ALDH1A2: variants seen among roughly 807,000 people sequenced by gnomAD.
ALDH1A2 encodes the protein retinal dehydrogenase 2.
ALDH1A2 carries 27 observed loss-of-function variants against 60.3 expected under a neutral mutation model. The ratio of observed to expected loss-of-function variants is 0.45; its 90% CI spans 0.33 to 0.62. ALDH1A2 has a LOEUF of 0.62. Ranked by LOEUF, ALDH1A2 falls within the 20% of genes least tolerant of loss-of-function variation. The pLI, the probability that ALDH1A2 is intolerant of heterozygous loss-of-function variation, is 0.02. For missense variants in ALDH1A2, 581 were observed against 643.8 expected (o/e 0.90, Z 1.06); for synonymous variants, 289 against 232.4 (o/e 1.24, Z -2.21).
chr15:57,984,753 G>A (rs989560749), intron 7 of ALDH1A2, among the ~76,000 whole-genome samples: 1 of 152,062 alleles, frequency 6.6e-6, no homozygotes, highest in African/African-American at 2.4e-5. Flanking sequence ...TTGTTAATCC[G>A]CTTATCATTT....
Position 58,002,898 on chromosome 15 carries a change from G to A in ALDH1A2, c.493+7751C>T, listed in dbSNP as rs191701110. 1.0e-3 allele frequency among the ~76,000 whole-genome samples: 159 copies of A among 151,836 alleles called. No homozygotes were observed. In the South Asian group the frequency reaches 0.011, roughly 10 times the overall value. ...TGTAGCAGATTCCCATCATGTTGAC[G>A]TTGAACAGACCTCACCCAACATTTT... On this transcript the variant is annotated intron_variant, in intron 4 of 12. Transcript: ENST00000249750.
chr15:57,973,298 G>A (rs1894132515), intron 7 of ALDH1A2, among the ~76,000 whole-genome samples: 1 of 152,196 alleles, frequency 6.6e-6, no homozygotes, highest in African/African-American at 2.4e-5. Context: ...TGCATAAGGA[G>A]AAATTAATCC....
chr15:57,957,524 G>C (rs1459494649), intron 12 of ALDH1A2, among the ~76,000 whole-genome samples: 1 of 152,154 alleles, frequency 6.6e-6, no homozygotes. Flanking sequence ...GCTAAATTTT[G>C]TGGCACATAC....
chr15:58,031,579 C>G (rs779123917), intron 1 of ALDH1A2, among the ~76,000 whole-genome samples: 1 of 152,098 alleles, frequency 6.6e-6, no homozygotes, highest in Non-Finnish European at 1.5e-5. Flanking sequence ...GAACAGGCAA[C>G]CTACAGAATG....
chr15:58,014,242 T>C lies in ALDH1A2; in HGVS notation c.157A>G (p.Arg53Gly), dbSNP rs535828709. ...NNEWQNSESG[R>G]VFPVYNPATG... is the part of the protein sequence containing the mutation. Reference sequence around the variant, plus strand: ...GCTGGATTATAGACAGGGAACACTCTCCCACTCTCTGAGTTCTGCCACTCG... The same window carrying C: ...GCTGGATTATAGACAGGGAACACTCCCCCACTCTCTGAGTTCTGCCACTCG... The change falls in exon 2 of 13, where the codon AGA (arginine) becomes GGA (glycine). Residue 53 changes from arginine to glycine, a missense_variant. Physicochemically the swap from Arg to Gly is moderately radical, Grantham distance 125 (BLOSUM62 -2). Coordinates refer to ENST00000249750, the MANE Select transcript of ALDH1A2 (RefSeq NM_003888.4). The C allele has an allele frequency of 1.9e-6, 3 of 1,614,110 alleles. No individual in the cohort carries two copies. In the South Asian group the frequency reaches 3.3e-5, roughly 18 times the overall value.
chr15:57,984,007 A>G (rs1894611486), intron 7 of ALDH1A2, among the ~76,000 whole-genome samples: 2 of 152,264 alleles, frequency 1.3e-5, no homozygotes, highest in African/African-American at 4.8e-5. Flanking sequence ...TGACCTAAGC[A>G]TGCTGCACTG....
rs529285845 is a variant in ALDH1A2 at position 58,014,009 on chromosome 15, G to T, written c.223-11C>A. ...TTTGTCTATATCTGCCTGTTAGAGAGGAAGAGGCACAACTGAAGAAAAACA... is the reference window on the plus strand; with the variant it reads ...TTTGTCTATATCTGCCTGTTAGAGATGAAGAGGCACAACTGAAGAAAAACA... On this transcript the variant is annotated splice_polypyrimidine_tract_variant and intron_variant, in intron 2 of 12. Transcript: ENST00000249750. 16 of 1,614,050 alleles carry T rather than the reference G, an allele frequency of 9.9e-6. No homozygotes were observed. The East Asian group carries it at 3.1e-4, about 31-fold the overall frequency.
intron 7 of ALDH1A2, among the ~76,000 whole-genome samples, chr15:57,989,605 C>A (rs12591551): frequency 0.087 from 13,243 of 151,974 alleles, 587 homozygotes; most frequent in East Asian, 0.12. Context: ...TAGTTTGGTG[C>A]AAAAGTCATT....
chr15:57,973,014 C>T (rs552533503), intron 7 of ALDH1A2, among the ~76,000 whole-genome samples: 35 of 152,204 alleles, frequency 2.3e-4, no homozygotes, highest in Admixed American at 4.6e-4. Flanking sequence ...ACCCCAGCTG[C>T]GTAAATTAGA....
chr15:58,014,513 G>C lies in ALDH1A2; in HGVS notation c.118-232C>G, dbSNP rs1446038413. On this transcript the variant is annotated intron_variant, in intron 1 of 12. Coordinates refer to ENST00000249750, the MANE Select transcript of ALDH1A2 (RefSeq NM_003888.4). ...TACAGTTCTTACCTTTCATGAACCT[G>C]TCAACTAACTAAAGATACAAATAAG... The C allele has an allele frequency of 3.8e-5, 22 of 573,720 alleles. No individual in the cohort carries two copies. In the East Asian group the frequency reaches 7.9e-4, roughly 21 times the overall value. 35.5% of individuals were successfully genotyped at this position (573,720 alleles called of 1,614,324 possible).
chr15:58,017,631 G>A (rs1895821688), intron 1 of ALDH1A2, among the ~76,000 whole-genome samples: 1 of 152,074 alleles, frequency 6.6e-6, no homozygotes, highest in African/African-American at 2.4e-5. Flanking sequence ...TAATGTTCTA[G>A]GTTCATATAC....
intron 1 of ALDH1A2, among the ~76,000 whole-genome samples, chr15:58,015,866 T>G (rs1895774268): frequency 6.6e-6 from 1 of 152,216 alleles, no homozygotes; most frequent in African/African-American, 2.4e-5. Flanking sequence ...AATTCTTAAA[T>G]TATTGGTCTG....
rs757512259 is a variant in ALDH1A2, at chr15:57,965,798, T to A, written c.828A>T (p.Gly276=). The A allele has an allele frequency of 1.2e-6, 2 of 1,614,160 alleles. No homozygotes were observed. The highest frequency in any genetic ancestry group is 4.5e-5 in the East Asian group (2 of 44,880). ...EVGKLIQEAA[G]RSNLKRVTLE... is the part of the protein sequence containing the mutation. ...GAGTTACTCTCTTCAAATTACTTCTTCCAGCTGCTTCTTGGATAAGCTTTC... is the reference window on the plus strand; with the variant it reads ...GAGTTACTCTCTTCAAATTACTTCTACCAGCTGCTTCTTGGATAAGCTTTC... Residue 276 remains glycine (G), a synonymous_variant, in exon 8 of 13, where the codon GGA becomes GGT. Coordinates refer to ENST00000249750, the MANE Select transcript of ALDH1A2 (RefSeq NM_003888.4).
intron 1 of ALDH1A2, chr15:58,036,760 A>G (rs1896387996): frequency 6.6e-6 from 1 of 151,756 alleles, no homozygotes; most frequent in Non-Finnish European, 1.5e-5. Flanking sequence ...ATAACGTAAG[A>G]CACTGTGATT....
intron 1 of ALDH1A2, among the ~76,000 whole-genome samples, chr15:58,061,683 G>A (rs1306850194): frequency 6.7e-6 from 1 of 148,490 alleles, no homozygotes; most frequent in African/African-American, 2.5e-5. Flanking sequence ...AGTGTATGGT[G>A]ATGAAAACTA....
intron 1 of ALDH1A2, among the ~76,000 whole-genome samples, chr15:58,053,199 G>A (rs1015113787): frequency 2.0e-5 from 3 of 152,162 alleles, no homozygotes; most frequent in South Asian, 2.1e-4. Flanking sequence ...AATAAAGTTC[G>A]AAATAAACCT....
intron 1 of ALDH1A2, among the ~76,000 whole-genome samples, chr15:58,026,420 A>G (rs1896080815): frequency 6.6e-6 from 1 of 152,160 alleles, no homozygotes; most frequent in African/African-American, 2.4e-5. Flanking sequence ...CCAAATAGTA[A>G]GAGCTCTGGT....
At chr15:58,061,626 A>AAAAAAAAAAG (rs1897041280) in intron 1 of ALDH1A2, among the ~76,000 whole-genome samples, 1 of 144,672 alleles carries the variant, frequency 6.9e-6, no homozygotes, top group African/African-American at 2.5e-5. Context: ...AAAAAAAAAA[A>AAAAAAAAAAG]CGGAACAAAA....
intron 4 of ALDH1A2, among the ~76,000 whole-genome samples, chr15:58,006,669 C>T (rs1160065768): frequency 2.7e-5 from 4 of 150,672 alleles, no homozygotes; most frequent in East Asian, 2.0e-4. Context: ...ACCACATCCA[C>T]GCCAACATCT....
Sources: allele counts gnomAD v4.1 joint callset (sites outside exome capture counted in the v4.1 genomes callset), GRCh38; gene constraint gnomAD v4.1.1; transcripts MANE v1.5; gene names NCBI Gene and HGNC (gene_info 2026-07-23, HGNC 2026-07-21).